The following PTK2B variants were observed in gnomAD, a reference collection of about 807,000 sequenced individuals.
PTK2B encodes protein-tyrosine kinase 2-beta.
A neutral mutation model predicts 142.9 loss-of-function variants in PTK2B; 71 were observed. The ratio of observed to expected loss-of-function variants is 0.50; its 90% CI spans 0.41 to 0.61. PTK2B has a LOEUF of 0.61. Ranked by LOEUF, PTK2B falls within the 20% of genes least tolerant of loss-of-function variation. PTK2B has a pLI of 0.00. For missense variants in PTK2B, 1,105 were observed against 1,320.4 expected (o/e 0.84, Z 2.53); for synonymous variants, 519 against 503.4 (o/e 1.03, Z -0.42).
At chr8:27,397,143 C>A (rs1175363091) in intron 1 of PTK2B, among the ~76,000 whole-genome samples, 1 of 152,164 alleles carries the variant, frequency 6.6e-6, no homozygotes, top group African/African-American at 2.4e-5. Flanking sequence ...TCCTCTCCTG[C>A]TATTTTCTAC....
intron 1 of PTK2B, among the ~76,000 whole-genome samples, chr8:27,335,595 CAA>C (rs900959610): frequency 2.8e-3 from 205 of 74,308 alleles, no homozygotes; most frequent in Non-Finnish European, 3.6e-3. Flanking sequence ...AACACTGTCT[CAA>C]AAAAAAAAAA....
chr8:27,450,635 A>ATTTTCC, intron 24 of PTK2B, 114 bp from the exon 25 acceptor site: 1 of 1,324,122 alleles, frequency 7.6e-7, no homozygotes, highest in Non-Finnish European at 1.0e-6. Context: ...AGAAAAAAGC[A>ATTTTCC]GCTGGCCAGG....
intron 1 of PTK2B, among the ~76,000 whole-genome samples, chr8:27,370,592 C>A (rs568691977): frequency 9.2e-5 from 14 of 152,352 alleles, no homozygotes; most frequent in African/African-American, 3.4e-4. Flanking sequence ...ACCACCCATC[C>A]TCTATCTGCT....
chr8:27,394,515 C>A (rs994209419), intron 1 of PTK2B, among the ~76,000 whole-genome samples: 1 of 152,154 alleles, frequency 6.6e-6, no homozygotes, highest in Non-Finnish European at 1.5e-5. Context: ...CTTGCAGAAC[C>A]GAAAGTTGCT....
chr8:27,367,311 G>A (rs1806075438), intron 1 of PTK2B, among the ~76,000 whole-genome samples: 1 of 152,210 alleles, frequency 6.6e-6, no homozygotes, highest in African/African-American at 2.4e-5. Context: ...TGGGCATGGT[G>A]GCAGCTGGAG....
chr8:27,455,029 A>G (rs2132539947), intron 30 of PTK2B, among the ~76,000 whole-genome samples: 1 of 152,288 alleles, frequency 6.6e-6, no homozygotes, highest in Middle Eastern at 3.4e-3. Flanking sequence ...CTGAAAATCA[A>G]AACAAGAGTC....
At chr8:27,361,520 G>A (rs542316405) in intron 1 of PTK2B, among the ~76,000 whole-genome samples, 50 of 152,280 alleles carry the variant, frequency 3.3e-4, no homozygotes, top group African/African-American at 9.1e-4. Flanking sequence ...CACCGCAGCC[G>A]GCCTGGATTT....
chr8:27,315,574 G>C (rs563384824), intron 3 of PTK2B, among the ~76,000 whole-genome samples: 17 of 152,008 alleles, frequency 1.1e-4, no homozygotes, highest in Middle Eastern at 3.4e-3. Flanking sequence ...GAATCGATAT[G>C]TGTTGCTGTC....
chr8:27,393,260 A>G (rs922699226), intron 1 of PTK2B, among the ~76,000 whole-genome samples: 6 of 152,174 alleles, frequency 3.9e-5, no homozygotes, highest in African/African-American at 1.4e-4. Context: ...TTCTGTATAG[A>G]TTTTTAAATT....
intron 22 of PTK2B, 22 bp downstream of exon 22, chr8:27,443,005 T>C (rs768117023): frequency 6.3e-7 from 1 of 1,590,274 alleles, no homozygotes; most frequent in Admixed American, 1.7e-5. Context: ...CATGGCCTCA[T>C]AAGTCCTGTG....
At chr8:27,358,093 G>A (rs1465586925) in intron 1 of PTK2B, among the ~76,000 whole-genome samples, 1 of 152,218 alleles carries the variant, frequency 6.6e-6, no homozygotes, top group Non-Finnish European at 1.5e-5. Flanking sequence ...AAACATAGTA[G>A]ACGTTCCCTT....
intron 2 of PTK2B, among the ~76,000 whole-genome samples, chr8:27,411,984 A>G (rs966325510): frequency 6.6e-6 from 1 of 152,238 alleles, no homozygotes; most frequent in Non-Finnish European, 1.5e-5. Context: ...CATATAAATG[A>G]GAGCCAGCCA....
At chr8:27,343,754 C>G (rs1563204425) in intron 1 of PTK2B, among the ~76,000 whole-genome samples, 1 of 152,204 alleles carries the variant, frequency 6.6e-6, no homozygotes, top group African/African-American at 2.4e-5. Flanking sequence ...AATCCCAGCA[C>G]TTTTGGAGGC....
intron 1 of PTK2B, among the ~76,000 whole-genome samples, chr8:27,341,380 G>A (rs569622171): frequency 1.3e-5 from 2 of 152,284 alleles, no homozygotes; most frequent in East Asian, 1.9e-4. Flanking sequence ...GAAGTTTTAG[G>A]GAAAAGATTA....
rs1390259488 is a variant in PTK2B, at chr8:27,433,548, G to T, written c.1101G>T (p.Arg367Ser). ...AAGGCTCTCTCATCATCCATCCTAG[G>T]AAAGGTGGGTTCCATTTAAAGGTAA... ...EHQGSLIIHP[R>S]KDGEKRNSLP... Residue 367 changes from arginine to serine, a missense_variant, in exon 11 of 31, where the codon AGG (arginine) becomes AGT (serine). Arg to Ser is a moderately radical substitution (Grantham distance 110). Transcript: ENST00000346049. 6.2e-7 allele frequency: 1 copy of T among 1,612,926 alleles called. No homozygotes were observed. Among genetic ancestry groups the T allele is most frequent in the East Asian group, 2.2e-5 (1 of 44,900 alleles).
chr8:27,349,658 T>C (rs1298963999), intron 1 of PTK2B, among the ~76,000 whole-genome samples: 1 of 152,240 alleles, frequency 6.6e-6, no homozygotes, highest in Non-Finnish European at 1.5e-5. Context: ...AAAGAGCTGC[T>C]ATAAAACTCA....
At chr8:27,360,634 G>A (rs547441525) in intron 1 of PTK2B, among the ~76,000 whole-genome samples, 3 of 152,240 alleles carry the variant, frequency 2.0e-5, no homozygotes, top group African/African-American at 7.2e-5. Context: ...AAGGGGTGGG[G>A]GTGGGTGAGA....
intron 24 of PTK2B, among the ~76,000 whole-genome samples, chr8:27,446,543 G>A (rs1811484142): frequency 6.6e-6 from 1 of 152,120 alleles, no homozygotes. Context: ...GTCAGGTCTT[G>A]TGTGAAAAAG....
intron 2 of PTK2B, among the ~76,000 whole-genome samples, chr8:27,398,720 G>A (rs1180899923): frequency 6.6e-6 from 1 of 152,200 alleles, no homozygotes; most frequent in Non-Finnish European, 1.5e-5. Flanking sequence ...GACATGGGAT[G>A]AGCCATCTCC....
Sources: gnomAD v4.1 joint callset for allele counts (sites outside exome capture counted in the v4.1 genomes callset) on GRCh38, gnomAD v4.1.1 for gene constraint, MANE v1.5 for transcripts, NCBI Gene and HGNC (gene_info 2026-07-23, HGNC 2026-07-21) for gene names.